Variants in AGTPBP1 observed in about 807,000 individuals in gnomAD.
The protein encoded by AGTPBP1 is ATP/GTP binding carboxypeptidase 1.
Under a neutral mutation model 143.9 loss-of-function variants are expected in AGTPBP1, and 70 were observed. That is an observed-to-expected ratio of 0.49 (90% CI 0.40 to 0.59). The LOEUF (loss-of-function observed/expected upper bound fraction) is 0.59. AGTPBP1 is among the 20% of genes least tolerant of loss of function. The probability of loss-of-function intolerance (pLI) is 0.00; values close to 1 mark genes in which losing one functional copy is unlikely to be tolerated. For synonymous variants in AGTPBP1, 463 were observed against 500.2 expected, an observed-to-expected ratio of 0.93 and a Z score of 0.99; for missense variants, 1,229 against 1,464.5, an observed-to-expected ratio of 0.84 and a Z score of 2.62.
intron 12 of AGTPBP1, among the ~76,000 whole-genome samples, chr9:85,644,492 C>T (rs1384027997): frequency 1.4e-5 from 2 of 147,766 alleles, no homozygotes; most frequent in Non-Finnish European, 3.0e-5. Flanking sequence ...AAAACTACAA[C>T]ACTCCGAAAG....
At chr9:85,703,027 C>T (rs767553281) in intron 2 of AGTPBP1, among the ~76,000 whole-genome samples, 5 of 152,142 alleles carry the variant, frequency 3.3e-5, no homozygotes, top group Admixed American at 1.3e-4. Flanking sequence ...TTTGCTGGAG[C>T]TTTCTGAGAT....
chr9:85,712,647 A>G lies in AGTPBP1; in HGVS notation c.-33-81T>C. On this transcript the variant is annotated intron_variant, in intron 1 of 25. Coordinates refer to ENST00000357081, the MANE Select transcript of AGTPBP1 (RefSeq NM_001330701.2). Reference sequence around the variant, plus strand: ...AGATATCACAGAAGCCATACAATGGAAAGTTTTCATTATGGGCAACACAAG... The same window carrying G: ...AGATATCACAGAAGCCATACAATGGGAAGTTTTCATTATGGGCAACACAAG... The G allele has an allele frequency of 6.6e-6, 4 of 609,692 alleles. No individual in the cohort carries two copies. The South Asian group carries it at 1.5e-4, about 23-fold the overall frequency. The allele number at this position is 609,692 out of a possible 1,614,324, so 37.8% of individuals were successfully genotyped here.
chr9:85,620,139 G>A (rs549970534), intron 15 of AGTPBP1, among the ~76,000 whole-genome samples: 18 of 152,104 alleles, frequency 1.2e-4, no homozygotes, highest in Admixed American at 6.5e-4. Context: ...AGCCAGGCAC[G>A]GTGGGTCACA....
intron 12 of AGTPBP1, among the ~76,000 whole-genome samples, chr9:85,643,431 T>A (rs1832621317): frequency 6.6e-6 from 1 of 152,136 alleles, no homozygotes; most frequent in South Asian, 2.1e-4. Flanking sequence ...AAATTACACA[T>A]CTTGCAAAGA....
At chr9:85,786,026 G>A in the AGTPBP1 span, 4 of 1,091,312 alleles carry the variant, frequency 3.7e-6, no homozygotes, top group Admixed American at 2.3e-5. Flanking sequence ...ATGTATTTAT[G>A]TTAAGATGTT....
chr9:85,676,954 G>A (rs1834864845), intron 6 of AGTPBP1, among the ~76,000 whole-genome samples: 1 of 152,132 alleles, frequency 6.6e-6, no homozygotes, highest in African/African-American at 2.4e-5. Flanking sequence ...AAATATCAAT[G>A]TTCTCTTTCA....
chr9:85,758,438 C>T, the AGTPBP1 span, among the ~76,000 whole-genome samples: 2,619 of 152,112 alleles, frequency 0.017, 79 homozygotes, highest in African/African-American at 0.06. Context: ...GGAGGTCAGG[C>T]GTTCGAAACC....
chr9:85,748,064 C>T, the AGTPBP1 span, among the ~76,000 whole-genome samples: 1 of 152,004 alleles, frequency 6.6e-6, no homozygotes, highest in Non-Finnish European at 1.5e-5. Flanking sequence ...GAAAAGTTGA[C>T]TGCATTTGTT....
chr9:85,681,392 T>C (rs1312462005), intron 3 of AGTPBP1, 57 bp from the exon 4 acceptor site: 3 of 1,449,136 alleles, frequency 2.1e-6, no homozygotes, highest in Non-Finnish European at 2.9e-6. Flanking sequence ...GTATGTATAG[T>C]TTTGTTGCAT....
At chr9:85,692,361 C>T (rs1835935383) in intron 3 of AGTPBP1, among the ~76,000 whole-genome samples, 1 of 151,756 alleles carries the variant, frequency 6.6e-6, no homozygotes, top group Non-Finnish European at 1.5e-5. Flanking sequence ...GCAACCTCCA[C>T]CTCTTGGGTT....
chr9:85,633,448 G>A (rs1831823812), intron 13 of AGTPBP1, 74 bp from the exon 14 acceptor site: 2 of 1,139,402 alleles, frequency 1.8e-6, no homozygotes, highest in African/African-American at 1.6e-5. Context: ...ATACATTCAT[G>A]TTATATATTG....
chr9:85,669,038 C>CAT (rs1308254124), intron 8 of AGTPBP1, among the ~76,000 whole-genome samples: 26 of 140,498 alleles, frequency 1.9e-4, no homozygotes, highest in African/African-American at 3.2e-4. Flanking sequence ...CACACACACA[C>CAT]ATCTCAGGAT....
intron 13 of AGTPBP1, among the ~76,000 whole-genome samples, chr9:85,637,373 T>C (rs746610592): frequency 2.0e-5 from 3 of 152,134 alleles, no homozygotes; most frequent in Non-Finnish European, 4.4e-5. Context: ...CAAAATGTTA[T>C]CAACTTTACT....
At chr9:85,570,979 C>T (rs1827423730) in intron 25 of AGTPBP1, among the ~76,000 whole-genome samples, 1 of 152,130 alleles carries the variant, frequency 6.6e-6, no homozygotes, top group Admixed American at 6.5e-5. Flanking sequence ...GGGAATTAGA[C>T]ATTTAATTTA....
At chr9:85,678,617 CAAG>C (rs377418081) in intron 4 of AGTPBP1, among the ~76,000 whole-genome samples, 18 of 152,244 alleles carry the variant, frequency 1.2e-4, no homozygotes, top group Middle Eastern at 3.4e-3. Context: ...ATCAACATTA[CAAG>C]AAGAATCAAT....
chr9:85,600,410 C>T (rs920675169), intron 17 of AGTPBP1, among the ~76,000 whole-genome samples: 1 of 152,164 alleles, frequency 6.6e-6, no homozygotes, highest in South Asian at 2.1e-4. Flanking sequence ...CTGGCACTTA[C>T]GTCCTCCACA....
chr9:85,561,668 G>T (rs554841181), intron 25 of AGTPBP1, among the ~76,000 whole-genome samples: 2 of 152,198 alleles, frequency 1.3e-5, no homozygotes, highest in East Asian at 3.9e-4. Context: ...GGTGGAATGC[G>T]TGGTGAGAGC....
At position 85,633,085 on chromosome 9, in the gene AGTPBP1, A is replaced by T. The variant is rs923924503; in HGVS notation, c.1592T>A (p.Val531Glu). Residue 531 changes from valine (V) to glutamate (E), a missense_variant, in exon 14 of 26, where the codon GTA becomes GAA. Physicochemically the swap from Val to Glu is moderately radical, Grantham distance 121. Around this residue, in one of 2 missense-constraint regions of AGTPBP1, gnomAD observed 743 missense variants for 812.2 expected, o/e 0.91. Transcript: ENST00000357081. ...CAATGTAATTCGGTCCAAGGCCTTT[A>T]CAATATCATTGTTTAAACCATGGAC... ...SSVHGLNNDI[V>E]KALDRITLQN... is the part of the protein sequence containing the mutation. 1 of 1,614,184 alleles carries T rather than the reference A, an allele frequency of 6.2e-7. No homozygotes were observed.
At chr9:85,687,695 C>A (rs1006881532) in intron 3 of AGTPBP1, among the ~76,000 whole-genome samples, 7 of 152,068 alleles carry the variant, frequency 4.6e-5, no homozygotes, top group African/African-American at 1.7e-4. Flanking sequence ...ATATCAAAAT[C>A]TGTAGAATGT....
Sources: allele counts gnomAD v4.1 joint callset (sites outside exome capture counted in the v4.1 genomes callset), GRCh38; gene constraint gnomAD v4.1.1; regional missense constraint gnomAD v4.1.1; transcripts MANE v1.5; gene names NCBI Gene and HGNC (gene_info 2026-07-23, HGNC 2026-07-21).